ZNF10: variants seen among roughly 807,000 people sequenced by gnomAD.
ZNF10 encodes zinc finger protein 10 (KOX 1).
Under a neutral mutation model 12.2 loss-of-function variants are expected in ZNF10, and 8 were observed. The observed-to-expected ratio is 0.66, with a 90% confidence interval of 0.39 to 1.18. The LOEUF (loss-of-function observed/expected upper bound fraction) is 1.18, where lower values mean the gene tolerates loss of function less well. ZNF10 is among the 50% of genes most tolerant of loss of function. ZNF10 has a pLI of 0.01. For synonymous variants in ZNF10, 229 were observed against 228.2 expected, an observed-to-expected ratio of 1.00 and a Z score of -0.03; for missense variants, 603 against 678.9, an observed-to-expected ratio of 0.89 and a Z score of 1.24.
chr12:133,135,525 A>G (rs1014844049), intron 1 of ZNF10, among the ~76,000 whole-genome samples: 27 of 151,816 alleles, frequency 1.8e-4, no homozygotes, highest in African/African-American at 6.1e-4. Context: ...TCTTCACTTC[A>G]CTCTGCTCAT....
At chr12:133,133,076 T>G (rs1370933526) in intron 1 of ZNF10, among the ~76,000 whole-genome samples, 1 of 152,240 alleles carries the variant, frequency 6.6e-6, no homozygotes, top group Non-Finnish European at 1.5e-5. Context: ...TTTCTTTAGA[T>G]GTAAAATTTA....
At chr12:133,154,093 A>G (rs967682897) in intron 4 of ZNF10, among the ~76,000 whole-genome samples, 2 of 150,930 alleles carry the variant, frequency 1.3e-5, no homozygotes, top group African/African-American at 2.4e-5. Flanking sequence ...ACTGAGGATT[A>G]AAACTTCAAC....
rs1360697482 is a variant in ZNF10, at chr12:133,151,132, C to T, written c.138C>T (p.Asn46=). 6.2e-7 allele frequency: 1 copy of T among 1,612,994 alleles called. No individual in the cohort carries two copies. Among genetic ancestry groups the T allele is most frequent in the Non-Finnish European group, 8.5e-7 (1 of 1,179,344 alleles). ...TGTACAGAAATGTGATGCTGGAGAA[C>T]TATAAGAACCTGGTTTCCTTGGGTA... ...QIVYRNVMLE[N]YKNLVSLGYQ... The change falls in exon 3 of 5, where the codon AAC becomes AAT. Residue 46 remains asparagine (N), a synonymous_variant. Coordinates refer to ENST00000248211, the MANE Select transcript of ZNF10 (RefSeq NM_015394.5).
At position 133,156,040 on chromosome 12, in the gene ZNF10, A is replaced by G. The variant is rs376649756; in HGVS notation, c.794A>G (p.Tyr265Cys). The change falls in exon 5 of 5, where the codon TAT (tyrosine) becomes TGT (cysteine). Residue 265 changes from tyrosine (Y) to cysteine (C), a missense_variant. Tyr to Cys is a radical substitution (Grantham distance 194). This residue lies in a region of ZNF10 where 393 missense variants were observed against 399.7 expected (regional missense o/e 0.98). Coordinates refer to ENST00000248211, the MANE Select transcript of ZNF10 (RefSeq NM_015394.5). ...AAGGGCATACATAGAGAGAAACCCT[A>G]TGAATGTAAGGAATGTGGAAAATTC... ...ISKGIHREKP[Y>C]ECKECGKFFS... The G allele has an allele frequency of 1.7e-5, 27 of 1,613,520 alleles. No homozygotes were observed. Among genetic ancestry groups the G allele is most frequent in the Non-Finnish European group, 2.2e-5 (26 of 1,179,984 alleles).
intron 3 of ZNF10, 82 bp from the exon 4 acceptor site, chr12:133,151,727 G>C: frequency 3.8e-6 from 4 of 1,045,222 alleles, no homozygotes; most frequent in Non-Finnish European, 5.8e-6. Flanking sequence ...TTGGTGGTCA[G>C]GTTGAATCTG....
At chr12:133,145,237 A>G (rs1593842705) in intron 2 of ZNF10, among the ~76,000 whole-genome samples, 1 of 152,192 alleles carries the variant, frequency 6.6e-6, no homozygotes, top group East Asian at 1.9e-4. Flanking sequence ...AAAATAATAA[A>G]CAACACAATT....
chr12:133,152,088 TTCTC>T (rs1335108341), intron 4 of ZNF10, among the ~76,000 whole-genome samples, 184 bp downstream of exon 4: 1 of 152,234 alleles, frequency 6.6e-6, no homozygotes, highest in Non-Finnish European at 1.5e-5. Flanking sequence ...AGGCAAAGGT[TTCTC>T]TGTCTGTTGA....
intron 1 of ZNF10, among the ~76,000 whole-genome samples, chr12:133,141,044 A>G (rs921112630): frequency 3.9e-5 from 6 of 152,168 alleles, no homozygotes; most frequent in Admixed American, 2.6e-4. Flanking sequence ...GAGTATATCT[A>G]TTCCCACCAG....
chr12:133,155,795 G>C lies in ZNF10; in HGVS notation c.549G>C (p.Glu183Asp), dbSNP rs1490780540. The change falls in exon 5 of 5, where the codon GAG (glutamate) becomes GAC (aspartate). Residue 183 changes from glutamate (E) to aspartate (D), a missense_variant. Glu to Asp is a conservative substitution (Grantham distance 45). Transcript: ENST00000248211. ...CLLPAQLVLR[E>D]YFHKRDSHTK... ...TTCCTGCTCAGCTAGTACTGAGAGAGTATTTCCATAAACGTGACTCACATA... is the reference window on the plus strand; with the variant it reads ...TTCCTGCTCAGCTAGTACTGAGAGACTATTTCCATAAACGTGACTCACATA... 1 of 1,613,848 alleles carries C rather than the reference G, an allele frequency of 6.2e-7. No homozygotes were observed. Among genetic ancestry groups the C allele is most frequent in the South Asian group, 1.1e-5 (1 of 91,036 alleles).
chr12:133,148,751 G>T (rs34473690), intron 2 of ZNF10, among the ~76,000 whole-genome samples: 24,151 of 126,466 alleles, frequency 0.19, 2,834 homozygotes, highest in Non-Finnish European at 0.27. Context: ...TTCAATGTTG[G>T]TTTTTTTTTT....
rs139293992 is a variant in ZNF10, at chr12:133,156,025, A to G, written c.779A>G (p.His260Arg). 15 of 1,613,692 alleles carry G rather than the reference A, an allele frequency of 9.3e-6. No homozygotes were observed. In the Admixed American group the frequency reaches 1.5e-4, roughly 16 times the overall value. Residue 260 changes from histidine (H) to arginine (R), a missense_variant, in exon 5 of 5, where the codon CAT becomes CGT. By Grantham distance (29) the His-to-Arg change is conservative. Coordinates refer to ENST00000248211, the MANE Select transcript of ZNF10 (RefSeq NM_015394.5). ...TCTCTTGGTATATCAAAGGGCATAC[A>G]TAGAGAGAAACCCTATGAATGTAAG... ...GSSLGISKGIHREKPYECKEC... is the reference protein window; with the variant it reads ...GSSLGISKGIRREKPYECKEC...
At chr12:133,137,180 T>C (rs1414713753) in intron 1 of ZNF10, among the ~76,000 whole-genome samples, 2 of 152,216 alleles carry the variant, frequency 1.3e-5, no homozygotes, top group Non-Finnish European at 2.9e-5. Context: ...CTAATTTGTG[T>C]TCCCAAATCT....
chr12:133,152,003 C>A, intron 4 of ZNF10, 99 bp downstream of exon 4: 1 of 865,728 alleles, frequency 1.2e-6, no homozygotes. Context: ...CTCACAGGCC[C>A]TTCTTCCTGG....
In ZNF10 at chr12:133,155,969, T is replaced by C. The variant is rs200042333; in HGVS notation, c.723T>C (p.Pro241=). 1 of 1,614,064 alleles carries C rather than the reference T, an allele frequency of 6.2e-7. No individual in the cohort carries two copies. The highest frequency in any genetic ancestry group is 2.2e-5 in the East Asian group (1 of 44,872). Residue 241 remains proline (P), a synonymous_variant, in exon 5 of 5, where the codon CCT becomes CCC. Transcript: ENST00000248211. ...THTGDKSYKC[P]DNDNSLTHGS... The stretch of plus-strand genomic sequence containing the variant: ...CAGGTGATAAATCCTACAAATGCCC[T>C]GATAATGACAACTCTCTTACTCATG...
chr12:133,136,788 T>C (rs1188509660), intron 1 of ZNF10, among the ~76,000 whole-genome samples: 5 of 152,314 alleles, frequency 3.3e-5, no homozygotes, highest in Admixed American at 6.5e-5. Context: ...CTCTTAAATA[T>C]GTGACAAAAG....
intron 1 of ZNF10, among the ~76,000 whole-genome samples, chr12:133,131,340 A>G (rs1048778183): frequency 1.8e-4 from 27 of 152,176 alleles, no homozygotes; most frequent in Non-Finnish European, 7.4e-5. Flanking sequence ...CTAGATATAT[A>G]TACGCCATCT....
intron 1 of ZNF10, among the ~76,000 whole-genome samples, chr12:133,142,498 A>C (rs1244104595): frequency 2.0e-5 from 3 of 152,092 alleles, no homozygotes; most frequent in African/African-American, 7.2e-5. Flanking sequence ...AAGAACTCCT[A>C]CAACTCAACA....
chr12:133,138,317 T>C (rs1955924313), intron 1 of ZNF10, among the ~76,000 whole-genome samples: 1 of 151,200 alleles, frequency 6.6e-6, no homozygotes, highest in Non-Finnish European at 1.5e-5. Flanking sequence ...AGCCTTACTG[T>C]AGTTTTGTTT....
In ZNF10 at chr12:133,157,026, G is replaced by A; in HGVS notation, c.*58G>A. On this transcript the variant is annotated 3_prime_UTR_variant, in exon 5 of 5. Transcript: ENST00000248211. ...CTTTATTTTGCATTGGAGAACTCCTGGAGATAAGCTGTACAAATTGAATCT... is the reference window on the plus strand; with the variant it reads ...CTTTATTTTGCATTGGAGAACTCCTAGAGATAAGCTGTACAAATTGAATCT... The A allele has an allele frequency of 7.5e-7, 1 of 1,340,890 alleles. No individual in the cohort carries two copies. The highest frequency in any genetic ancestry group is 9.7e-7 in the Non-Finnish European group (1 of 1,029,142). 83.1% of individuals were successfully genotyped at this position (1,340,890 alleles called of 1,614,324 possible).
Sources: gnomAD v4.1 joint callset for allele counts (sites outside exome capture counted in the v4.1 genomes callset) on GRCh38, gnomAD v4.1.1 for gene constraint, gnomAD v4.1.1 regional missense constraint, MANE v1.5 for transcripts, NCBI Gene and HGNC (gene_info 2026-07-23, HGNC 2026-07-21) for gene names.